Variants in RNF43 observed in about 807,000 individuals in gnomAD.
The protein encoded by RNF43 is E3 ubiquitin-protein ligase RNF43.
Under a neutral mutation model 78.4 loss-of-function variants are expected in RNF43, and 37 were observed. The observed-to-expected ratio is 0.47, with a 90% CI of 0.36 to 0.62. The LOEUF is 0.62. Ranked by LOEUF, RNF43 falls within the 20% of genes least tolerant of loss-of-function variation. The pLI is 0.00. For synonymous variants in RNF43, 347 were observed against 395.0 expected (o/e 0.88, Z 1.44); for missense variants, 774 against 1,007.9 (o/e 0.77, Z 3.14).
intron 2 of RNF43, among the ~76,000 whole-genome samples, chr17:58,404,095 CAA>C (rs2143653351): frequency 6.6e-6 from 1 of 152,258 alleles, no homozygotes; most frequent in South Asian, 2.1e-4. Flanking sequence ...AACTGGAATG[CAA>C]AGACAGTACA....
At chr17:58,383,469 T>A (rs1286788141) in intron 2 of RNF43, among the ~76,000 whole-genome samples, 1 of 152,010 alleles carries the variant, frequency 6.6e-6, no homozygotes, top group Non-Finnish European at 1.5e-5. Context: ...TTAATGTTTT[T>A]AATTTCTATT....
chr17:58,353,952 C>T lies in RNF43; in HGVS notation c.*991G>A, dbSNP rs779371891. The T allele has an allele frequency of 4.8e-5, 9 of 185,872 alleles. No individual in the cohort carries two copies. Among genetic ancestry groups the T allele is most frequent in the Non-Finnish European group, 1.0e-4 (9 of 87,636 alleles). The allele number at this position is 185,872 out of a possible 1,614,324, so 11.5% of individuals were successfully genotyped here. A position where few individuals can be genotyped will look rare whatever the true frequency, so the allele number is the denominator to read the frequency against. On this transcript the variant is annotated 3_prime_UTR_variant, in exon 10 of 10. Coordinates refer to ENST00000407977, the MANE Select transcript of RNF43 (RefSeq NM_017763.6). ...ATCAGCTCTTGTCCACTCAGTGAGGCCAGACTTGTGCTCTAATCCACTCTC... is the reference window on the plus strand; with the variant it reads ...ATCAGCTCTTGTCCACTCAGTGAGGTCAGACTTGTGCTCTAATCCACTCTC...
Position 58,388,893 on chromosome 17 carries a change from T to C in RNF43, c.253-17860A>G, listed in dbSNP as rs138136534. Reference sequence around the variant, plus strand: ...AGCAGTTTCTCTCAAGTCTTCAGGGTACAGGAAGACTTGTCTGACTGAAAA... The same window carrying C: ...AGCAGTTTCTCTCAAGTCTTCAGGGCACAGGAAGACTTGTCTGACTGAAAA... On this transcript the variant is annotated intron_variant, in intron 2 of 9. Coordinates refer to ENST00000407977, the MANE Select transcript of RNF43 (RefSeq NM_017763.6). 1.3e-3 allele frequency among the ~76,000 whole-genome samples: 196 copies of C among 152,284 alleles called. 1 individual carries two copies. Among genetic ancestry groups the C allele is most frequent in the African/African-American group, 4.5e-3 (187 of 41,554 alleles).
At position 58,357,363 on chromosome 17, in the gene RNF43, C is replaced by T. The variant is rs752546073; in HGVS notation, c.2308+105G>A. On this transcript the variant is annotated intron_variant, in intron 9 of 9. Coordinates refer to ENST00000407977, the MANE Select transcript of RNF43 (RefSeq NM_017763.6). The surrounding 1 kb of genome is among the most constrained non-coding windows in gnomAD (Gnocchi z 4.5). The stretch of plus-strand genomic sequence containing the variant: ...ATTTTGGTTGTCATCTCTGCTGTAT[C>T]CTTCTCAGCTTCCATCAACCCTTTG... 2 of 1,424,244 alleles carry T rather than the reference C, an allele frequency of 1.4e-6. No homozygotes were observed. The highest frequency in any genetic ancestry group is 2.8e-5 in the African/African-American group (2 of 71,058). The allele number at this position is 1,424,244 out of a possible 1,614,324, so 88.2% of individuals were successfully genotyped here.
At chr17:58,396,172 A>C (rs1208947451) in intron 2 of RNF43, among the ~76,000 whole-genome samples, 4 of 152,232 alleles carry the variant, frequency 2.6e-5, no homozygotes, top group African/African-American at 9.6e-5. Flanking sequence ...AACCTAAAAA[A>C]GACCAACGTG....
At chr17:58,405,748 A>G (rs1158885883) in intron 2 of RNF43, among the ~76,000 whole-genome samples, 2 of 151,530 alleles carry the variant, frequency 1.3e-5, no homozygotes, top group Admixed American at 6.6e-5. Flanking sequence ...GAAAGAAAGA[A>G]AGAAAGAAAG....
Position 58,357,822 on chromosome 17 carries a change from G to C in RNF43, c.1954C>G (p.Pro652Ala), listed in dbSNP as rs1212768938. The change falls in exon 9 of 10, where the codon CCA (proline) becomes GCA (alanine). Residue 652 changes from proline to alanine, a missense_variant. Physicochemically the swap from Pro to Ala is conservative, Grantham distance 27 (BLOSUM62 -1). Transcript: ENST00000407977. The surrounding 1 kb of genome is among the most constrained non-coding windows in gnomAD (Gnocchi z 4.5). ...LQKSSLSARHPQRKRRGGPSE... is the reference protein window; with the variant it reads ...LQKSSLSARHAQRKRRGGPSE... ...GGACCCCCCCGCCTTTTCCTCTGTG[G>C]GTGTCGGGCAGAGAGGCTGGATTTT... 6.2e-7 allele frequency: 1 copy of C among 1,614,200 alleles called. No individual in the cohort carries two copies. The highest frequency in any genetic ancestry group is 8.5e-7 in the Non-Finnish European group (1 of 1,180,030).
At position 58,354,702 on chromosome 17, in the gene RNF43, T is replaced by G; in HGVS notation, c.*241A>C. ...ACGCCACAGGCAGCAGCTGGTTGCC[T>G]GGCTGGACATGGATTTGCTGCACTG... On this transcript the variant is annotated 3_prime_UTR_variant, in exon 10 of 10. Coordinates refer to ENST00000407977, the MANE Select transcript of RNF43 (RefSeq NM_017763.6). 1.8e-6 allele frequency: 1 copy of G among 550,926 alleles called. No homozygotes were observed. The allele number at this position is 550,926 out of a possible 1,614,324, so 34.1% of individuals were successfully genotyped here.
chr17:58,353,050 T>G, downstream of RNF43: 1 of 213,864 alleles, frequency 4.7e-6, no homozygotes, highest in Non-Finnish European at 9.4e-6. Context: ...ACCAGCTCTC[T>G]GTCCTCGCAA....
At chr17:58,371,092 G>C (rs2143517559) in intron 2 of RNF43, 59 bp from the exon 3 acceptor site, 4 of 1,492,326 alleles carry the variant, frequency 2.7e-6, no homozygotes, top group Non-Finnish European at 3.6e-6. Context: ...TGAGCTGTGA[G>C]AGCCATATAC....
intron 3 of RNF43, among the ~76,000 whole-genome samples, chr17:58,367,832 A>G (rs1972989226): frequency 6.6e-6 from 1 of 152,256 alleles, no homozygotes; most frequent in Non-Finnish European, 1.5e-5. Flanking sequence ...TGTTAACTAC[A>G]AAAGCACGGA....
chr17:58,372,534 C>A (rs947387047), intron 2 of RNF43, among the ~76,000 whole-genome samples: 8 of 152,206 alleles, frequency 5.3e-5, no homozygotes, highest in Non-Finnish European at 8.8e-5. Flanking sequence ...TCTGTCCATG[C>A]ATCCATTCAT....
chr17:58,383,938 T>C, intron 2 of RNF43, among the ~76,000 whole-genome samples: 1 of 152,210 alleles, frequency 6.6e-6, no homozygotes, highest in Non-Finnish European at 1.5e-5. Context: ...TTTTAAAGTC[T>C]TCAGTTGAAG....
intron 3 of RNF43, among the ~76,000 whole-genome samples, chr17:58,369,810 A>C (rs1598139909): frequency 6.6e-6 from 1 of 152,214 alleles, no homozygotes; most frequent in East Asian, 1.9e-4. Flanking sequence ...GAGATCATAC[A>C]TACAAAGAAT....
chr17:58,411,140 A>G (rs1974018040), intron 2 of RNF43, among the ~76,000 whole-genome samples: 2 of 152,222 alleles, frequency 1.3e-5, no homozygotes, highest in Admixed American at 1.3e-4. Flanking sequence ...TCAGTGAGCT[A>G]ATACATGTAA....
intron 2 of RNF43, among the ~76,000 whole-genome samples, chr17:58,374,747 G>A (rs1038101236): frequency 3.3e-5 from 5 of 152,028 alleles, no homozygotes; most frequent in African/African-American, 1.2e-4. Flanking sequence ...CCATGGCTAC[G>A]GTGCCCACAC....
Position 58,381,180 on chromosome 17 carries a change from G to A in RNF43, c.253-10147C>T, listed in dbSNP as rs915731341. On this transcript the variant is annotated intron_variant, in intron 2 of 9. Transcript: ENST00000407977. ...TTGTACTCAGAAATAACATCAGGAG[G>A]AAAAGGACAAAATTATTCAAGCCAC... Among the ~76,000 whole-genome samples, 350 of 152,280 alleles carry A rather than the reference G, an allele frequency of 2.3e-3. 7 individuals are homozygous for A. The highest frequency in any genetic ancestry group is 2.4e-4 in the Non-Finnish European group (16 of 68,012).
At chr17:58,387,475 AC>A (rs1473308919) in intron 2 of RNF43, among the ~76,000 whole-genome samples, 2 of 151,930 alleles carry the variant, frequency 1.3e-5, no homozygotes, top group Admixed American at 6.6e-5. Context: ...ACATGGTGAA[AC>A]CCCATCTCTA....
intron 2 of RNF43, among the ~76,000 whole-genome samples, chr17:58,409,765 G>A (rs1973985699): frequency 6.6e-6 from 1 of 152,140 alleles, no homozygotes; most frequent in Admixed American, 6.5e-5. Flanking sequence ...CGTGCTTGTG[G>A]TCCCAGCTAC....
Sources: gnomAD v4.1 joint callset for allele counts (sites outside exome capture counted in the v4.1 genomes callset) on GRCh38, gnomAD v4.1.1 for gene constraint, Gnocchi (gnomAD v3.1) non-coding constraint, MANE v1.5 for transcripts, NCBI Gene and HGNC (gene_info 2026-07-23, HGNC 2026-07-21) for gene names.